The following NDRG3 variants were observed in gnomAD, a reference collection of about 807,000 sequenced individuals.
The protein encoded by NDRG3 is NDRG family member 3.
A neutral mutation model predicts 57.2 loss-of-function variants in NDRG3; 23 were observed. That is an observed-to-expected ratio of 0.40 (90% CI 0.29 to 0.57). NDRG3 has a LOEUF of 0.57. Among genes scored for constraint, NDRG3 ranks in the 20% least tolerant of loss-of-function variants. NDRG3 has a pLI of 0.42. For missense variants in NDRG3, 384 were observed against 457.3 expected (o/e 0.84, Z 1.46); for synonymous variants, 132 against 162.6 (o/e 0.81, Z 1.43).
chr20:36,729,300 G>A (rs1031580170), intron 1 of NDRG3, among the ~76,000 whole-genome samples: 1 of 152,208 alleles, frequency 6.6e-6, no homozygotes, highest in Admixed American at 6.5e-5. Context: ...GTAGAGAAAA[G>A]AGAAATGAAG....
intron 3 of NDRG3, among the ~76,000 whole-genome samples, chr20:36,695,756 C>T (rs541329886): frequency 6.6e-5 from 10 of 152,306 alleles, no homozygotes; most frequent in East Asian, 1.9e-4. Context: ...ATTCTAGTTT[C>T]GCCCTGGCCT....
intron 1 of NDRG3, 121 bp from the exon 2 acceptor site, chr20:36,721,904 T>C: frequency 3.6e-6 from 2 of 549,788 alleles, no homozygotes; most frequent in Non-Finnish European, 6.4e-6. Flanking sequence ...CTGCTCAGGG[T>C]GCTAAAGACA....
intron 12 of NDRG3, 46 bp from the exon 13 acceptor site, chr20:36,660,430 G>GA (rs745468478): frequency 3.9e-5 from 55 of 1,417,214 alleles, no homozygotes; most frequent in South Asian, 8.1e-5. Flanking sequence ...GAGTTGCTAG[G>GA]AAAAAAAACG....
rs141847227 is a variant in NDRG3, at chr20:36,655,741, C to T, written c.946+619G>A. Among the ~76,000 whole-genome samples, 731 of 152,274 alleles carry T rather than the reference C, an allele frequency of 4.8e-3. 5 individuals are homozygous for T. Among genetic ancestry groups the T allele is most frequent in the African/African-American group, 0.016 (651 of 41,546 alleles). ...CAGACTGTCAGGGTTTGAATCATGG[C>T]CCTGCAGCTGAATTTTTACCCTTGG... On this transcript the variant is annotated intron_variant, in intron 15 of 15. Coordinates refer to ENST00000349004, the MANE Select transcript of NDRG3 (RefSeq NM_032013.4).
chr20:36,680,784 T>A, intron 8 of NDRG3, 32 bp downstream of exon 8: 4 of 1,584,942 alleles, frequency 2.5e-6, no homozygotes, highest in Non-Finnish European at 3.5e-6. Context: ...TGGGCCAAGA[T>A]AAGCCGATGG....
intron 3 of NDRG3, among the ~76,000 whole-genome samples, chr20:36,701,863 T>TAAA (rs200584072): frequency 8.6e-5 from 10 of 116,154 alleles, no homozygotes; most frequent in African/African-American, 3.2e-4. Context: ...CCTGCATCTT[T>TAAA]AAAAAAAAAA....
chr20:36,683,270 A>C (rs773196710), intron 6 of NDRG3, among the ~76,000 whole-genome samples: 2 of 151,882 alleles, frequency 1.3e-5, no homozygotes, highest in Non-Finnish European at 2.9e-5. Context: ...AAAACCAAAA[A>C]AAACAAGGAT....
chr20:36,740,942 G>A (rs1985897649), intron 1 of NDRG3, among the ~76,000 whole-genome samples: 1 of 152,002 alleles, frequency 6.6e-6, no homozygotes, highest in Non-Finnish European at 1.5e-5. Flanking sequence ...CCATAATCAA[G>A]CTAGCTAAGT....
intron 5 of NDRG3, among the ~76,000 whole-genome samples, chr20:36,686,979 C>A (rs1981840031): frequency 6.6e-6 from 1 of 152,064 alleles, no homozygotes; most frequent in Admixed American, 6.6e-5. Context: ...AACAGCCTCC[C>A]AAGCAGACAC....
At position 36,739,639 on chromosome 20, in the gene NDRG3, C is replaced by T. The variant is rs544565632; in HGVS notation, c.-49+6406G>A. On this transcript the variant is annotated intron_variant, in intron 1 of 15. Transcript: ENST00000349004. ...TGGCTAACACAGTGAAACCCTGTCT[C>T]GGCCGGGCGCCGGTGGCTCACGCCT... 6.6e-5 allele frequency among the ~76,000 whole-genome samples: 10 copies of T among 150,714 alleles called. No homozygotes were observed. The East Asian group carries it at 1.8e-3, about 27-fold the overall frequency.
chr20:36,683,685 T>C (rs1309505395), intron 6 of NDRG3, among the ~76,000 whole-genome samples: 5 of 147,508 alleles, frequency 3.4e-5, no homozygotes, highest in Non-Finnish European at 1.5e-5. Flanking sequence ...TACACACACA[T>C]ATATGTACAC....
intron 3 of NDRG3, chr20:36,700,626 T>A: frequency 2.7e-6 from 1 of 369,716 alleles, no homozygotes; most frequent in Non-Finnish European, 5.4e-6. Context: ...AGGCTCTCTA[T>A]CCAGTTATCT....
chr20:36,701,544 CTTT>C (rs897071523), intron 3 of NDRG3, among the ~76,000 whole-genome samples: 32 of 124,256 alleles, frequency 2.6e-4, no homozygotes, highest in African/African-American at 5.9e-4. Flanking sequence ...GACCCTGTAT[CTTT>C]TTTTTTTTTT....
chr20:36,680,235 C>G (rs1446060507), intron 8 of NDRG3, among the ~76,000 whole-genome samples: 2 of 151,556 alleles, frequency 1.3e-5, no homozygotes, highest in Non-Finnish European at 2.9e-5. Flanking sequence ...GCCTGTAATC[C>G]CAGCAGTTTG....
At chr20:36,654,916 G>T (rs1448214312) in intron 15 of NDRG3, 1 of 775,358 alleles carries the variant, frequency 1.3e-6, no homozygotes, top group African/African-American at 1.7e-5. Context: ...CTGCCTGGTA[G>T]ACACTGACAG....
At chr20:36,743,607 A>T (rs1333568706) in intron 1 of NDRG3, among the ~76,000 whole-genome samples, 2 of 151,908 alleles carry the variant, frequency 1.3e-5, no homozygotes, top group Non-Finnish European at 2.9e-5. Context: ...GAGGTCAGGA[A>T]ATCGAGACCA....
intron 1 of NDRG3, among the ~76,000 whole-genome samples, chr20:36,731,736 G>A (rs1436217603): frequency 2.0e-5 from 3 of 151,992 alleles, no homozygotes; most frequent in Non-Finnish European, 4.4e-5. Flanking sequence ...CATGAATCCA[G>A]GAGGCAGAGC....
At chr20:36,707,079 C>G (rs1468731091) in intron 2 of NDRG3, 72 bp from the exon 3 acceptor site, 58 of 1,401,478 alleles carry the variant, frequency 4.1e-5, no homozygotes, top group Admixed American at 2.0e-4. Flanking sequence ...ACATTCAGTT[C>G]ACAGTGACAG....
At chr20:36,674,565 T>C (rs556731041) in intron 8 of NDRG3, among the ~76,000 whole-genome samples, 2 of 151,368 alleles carry the variant, frequency 1.3e-5, no homozygotes, top group African/African-American at 4.9e-5. Flanking sequence ...TATGGACTTA[T>C]TGAATCTCAT....
Sources: allele counts gnomAD v4.1 joint callset (sites outside exome capture counted in the v4.1 genomes callset), GRCh38; gene constraint gnomAD v4.1.1; transcripts MANE v1.5; gene names NCBI Gene and HGNC (gene_info 2026-07-23, HGNC 2026-07-21).